The following ACIN1 variants were observed in gnomAD, a reference collection of about 807,000 sequenced individuals.
The protein encoded by ACIN1 is apoptotic chromatin condensation inducer 1, also known as apoptotic chromatin condensation inducer in the nucleus.
Under a neutral mutation model 146.6 loss-of-function variants are expected in ACIN1, and 16 were observed. That is an observed-to-expected ratio of 0.11 (90% CI 0.07 to 0.17). ACIN1 has a LOEUF of 0.17. ACIN1 is among the 10% of genes least tolerant of loss of function. ACIN1 has a pLI of 1.00. For missense variants in ACIN1, 1,357 were observed against 1,609.3 expected, an observed-to-expected ratio of 0.84 and a Z score of 2.68; for synonymous variants, 569 against 582.7, an observed-to-expected ratio of 0.98 and a Z score of 0.34.
intron 4 of ACIN1, among the ~76,000 whole-genome samples, chr14:23,083,710 C>T (rs2048010765): frequency 2.6e-5 from 4 of 152,130 alleles, no homozygotes; most frequent in Admixed American, 2.6e-4. Flanking sequence ...GCCTGGGCGA[C>T]AGAGCGAGAC....
At chr14:23,077,613 G>C (rs2047833534) in intron 8 of ACIN1, among the ~76,000 whole-genome samples, 2 of 152,154 alleles carry the variant, frequency 1.3e-5, no homozygotes, top group African/African-American at 4.8e-5. Context: ...AAGGGCCCAG[G>C]AACAAACTTC....
intron 8 of ACIN1, among the ~76,000 whole-genome samples, chr14:23,073,675 T>C (rs547732223): frequency 6.6e-6 from 1 of 151,942 alleles, no homozygotes; most frequent in African/African-American, 2.4e-5. Context: ...AGAAAAAAAT[T>C]TTTTTAATAG....
chr14:23,075,852 A>C (rs1200311849), intron 8 of ACIN1, among the ~76,000 whole-genome samples: 1 of 152,036 alleles, frequency 6.6e-6, no homozygotes, highest in African/African-American at 2.4e-5. Context: ...TTACAGGTGC[A>C]CACCATGCCC....
At chr14:23,086,121 C>A (rs1014600046) in intron 4 of ACIN1, among the ~76,000 whole-genome samples, 1 of 152,104 alleles carries the variant, frequency 6.6e-6, no homozygotes, top group Non-Finnish European at 1.5e-5. Context: ...GAATAAGAAG[C>A]AGGAATGAAG....
intron 4 of ACIN1, 113 bp downstream of exon 4, chr14:23,089,869 C>A (rs1381667743): frequency 7.5e-7 from 1 of 1,333,916 alleles, no homozygotes; most frequent in East Asian, 2.6e-5. Flanking sequence ...ATCAATGTCA[C>A]AGAATTTCCC....
rs1327762180 is a variant in ACIN1 at position 23,069,543 on chromosome 14, G to A, written c.2198C>T (p.Pro733Leu). 5.6e-6 allele frequency: 9 copies of A among 1,614,054 alleles called. No individual in the cohort carries two copies. Among genetic ancestry groups the A allele is most frequent in the Middle Eastern group, 1.7e-4 (1 of 6,060 alleles). ...ATCATTGCTGACTTGGTCTGCAATA[G>A]GCATGGGAGGTTCTGGAACATCATT... Reference protein sequence around the residue: ...PENDVPEPPMPIADQVSNDDR... With the variant: ...PENDVPEPPMLIADQVSNDDR... Residue 733 changes from proline to leucine, a missense_variant, in exon 9 of 19, where the codon CCT becomes CTT. Coordinates refer to ENST00000605057, the MANE Select transcript of ACIN1 (RefSeq NM_001386863.1).
chr14:23,064,606 T>C (rs1251797471), intron 10 of ACIN1, 118 bp from the exon 11 acceptor site: 1 of 1,419,912 alleles, frequency 7.0e-7, no homozygotes, highest in South Asian at 1.3e-5. Context: ...CTTAAAGAAA[T>C]CATATTTGGA....
Position 23,078,580 on chromosome 14 carries a change from AAGG to A in ACIN1, c.2007+237_2007+239del, listed in dbSNP as rs1481936689. Among the ~76,000 whole-genome samples, 5 of 152,150 alleles carry A rather than the reference AAGG, an allele frequency of 3.3e-5. No individual in the cohort carries two copies. In the South Asian group the frequency reaches 6.2e-4, roughly 19 times the overall value. ...AGGCTGACTTCCTTTTGGCAGATAA[AAGG>A]AGGAGTTATGAGGAAGAATTGACCC... On this transcript the variant is annotated intron_variant, in intron 7 of 18. Coordinates refer to ENST00000605057, the MANE Select transcript of ACIN1 (RefSeq NM_001386863.1).
At chr14:23,066,954 C>T (rs922852942) in intron 9 of ACIN1, among the ~76,000 whole-genome samples, 19 of 151,976 alleles carry the variant, frequency 1.3e-4, no homozygotes, top group Non-Finnish European at 2.2e-4. Flanking sequence ...TCTGGAAAAA[C>T]TAAGACCACT....
At chr14:23,094,125 A>AAC (rs751362808) in intron 1 of ACIN1, among the ~76,000 whole-genome samples, 4 of 151,634 alleles carry the variant, frequency 2.6e-5, no homozygotes, top group South Asian at 2.1e-4. Flanking sequence ...CACACACACA[A>AAC]ACACACACAC....
In ACIN1 at chr14:23,059,062, G is replaced by T. The variant is rs1040125247; in HGVS notation, c.*86C>A. The T allele has an allele frequency of 1.5e-6, 2 of 1,309,998 alleles. No homozygotes were observed. Among genetic ancestry groups the T allele is most frequent in the Non-Finnish European group, 1.1e-6 (1 of 931,246 alleles). The allele number at this position is 1,309,998 out of a possible 1,614,324, so 81.1% of individuals were successfully genotyped here. A position where few individuals can be genotyped will look rare whatever the true frequency, so the allele number is the denominator to read the frequency against. On this transcript the variant is annotated 3_prime_UTR_variant, in exon 19 of 19. Transcript: ENST00000605057. ...GTGATGTGAAAGACCCTTGGCTCCA[G>T]GGTGGTGGAGACTGTGCCTATCCCT...
rs1333942063 is a variant in ACIN1, at chr14:23,063,461, T to A, written c.2712A>T (p.Pro904=). 6.2e-7 allele frequency: 1 copy of A among 1,614,184 alleles called. No individual in the cohort carries two copies. ...CTTTCTTTACTTCATGCTCTGCAGG[T>A]GGGGGCAAGGCCACCTCTACTGACA... ...PQVSVEVALP[P]PAEHEVKKVT... is the part of the protein sequence containing the mutation. The change falls in exon 13 of 19, where the codon CCA becomes CCT. Residue 904 remains proline (P), a synonymous_variant. Coordinates refer to ENST00000605057, the MANE Select transcript of ACIN1 (RefSeq NM_001386863.1).
intron 16 of ACIN1, among the ~76,000 whole-genome samples, 155 bp from the exon 17 acceptor site, chr14:23,061,777 T>G (rs1200634996): frequency 6.6e-6 from 1 of 151,808 alleles, no homozygotes; most frequent in African/African-American, 2.4e-5. Flanking sequence ...ACCGAGACCA[T>G]CCTGGCTGAC....
intron 8 of ACIN1, among the ~76,000 whole-genome samples, chr14:23,071,951 T>TA (rs991515523): frequency 6.6e-6 from 1 of 152,162 alleles, no homozygotes; most frequent in African/African-American, 2.4e-5. Context: ...AGAAGGATGG[T>TA]AATGAAAGCT....
intron 5 of ACIN1, among the ~76,000 whole-genome samples, chr14:23,081,374 A>G (rs1014524264): frequency 3.3e-5 from 5 of 152,234 alleles, no homozygotes; most frequent in Admixed American, 1.3e-4. Flanking sequence ...AAACTTTTAA[A>G]AAATATTCAC....
chr14:23,071,499 G>A, intron 8 of ACIN1: 2 of 1,551,706 alleles, frequency 1.3e-6, no homozygotes, highest in Non-Finnish European at 8.7e-7. Context: ...GGTAGTGGCT[G>A]GCTCTATTGT....
Position 23,062,222 on chromosome 14 carries a change from T to C in ACIN1, c.3045A>G (p.Lys1015=). Residue 1015 remains lysine (K), a synonymous_variant, in exon 16 of 19, where the codon AAA becomes AAG. Transcript: ENST00000605057. ...VATRTALHGV[K]WPQSNPKFLC... is the part of the protein sequence containing the mutation. ...GGAATTTGGGATTGGACTGGGGCCATTTGACCCCGTGCAGAGCTGTGCGGG... is the reference window on the plus strand; with the variant it reads ...GGAATTTGGGATTGGACTGGGGCCACTTGACCCCGTGCAGAGCTGTGCGGG... The C allele has an allele frequency of 1.9e-6, 3 of 1,614,078 alleles. No homozygotes were observed. Among genetic ancestry groups the C allele is most frequent in the South Asian group, 1.1e-5 (1 of 91,074 alleles).
Position 23,064,136 on chromosome 14 carries a change from T to C in ACIN1, c.2564A>G (p.Lys855Arg). 1.2e-6 allele frequency: 2 copies of C among 1,614,174 alleles called. No homozygotes were observed. The highest frequency in any genetic ancestry group is 2.2e-5 in the South Asian group (2 of 91,078). The change falls in exon 12 of 19, where the codon AAG becomes AGG. Residue 855 changes from lysine (K) to arginine (R), a missense_variant. Coordinates refer to ENST00000605057, the MANE Select transcript of ACIN1 (RefSeq NM_001386863.1). ...GACTGTCCGGCATATTTTCAGCCCC[T>C]TGTCATGGGTCCCATCATCGCCATT... ...ERNGDDGTHD[K>R]GLKICRTVTQ...
intron 10 of ACIN1, among the ~76,000 whole-genome samples, chr14:23,065,747 T>G (rs1053917451): frequency 1.3e-5 from 2 of 152,138 alleles, no homozygotes; most frequent in Admixed American, 1.3e-4. Flanking sequence ...ACACTGTATC[T>G]CATTAAAATG....
Sources: allele counts gnomAD v4.1 joint callset (sites outside exome capture counted in the v4.1 genomes callset), GRCh38; gene constraint gnomAD v4.1.1; transcripts MANE v1.5; gene names NCBI Gene and HGNC (gene_info 2026-07-23, HGNC 2026-07-21).